Variants in PAK5 observed in about 807,000 individuals in gnomAD.
The protein encoded by PAK5 is serine/threonine-protein kinase PAK 5.
Under a neutral mutation model 65.9 loss-of-function variants are expected in PAK5, and 16 were observed. The ratio of observed to expected loss-of-function variants is 0.24; its 90% CI spans 0.16 to 0.37. The LOEUF is 0.37. PAK5 is among the 10% of genes least tolerant of loss of function. The pLI, the probability that PAK5 is intolerant of heterozygous loss-of-function variation, is 1.00. For synonymous variants in PAK5, 371 were observed against 354.9 expected (o/e 1.05, Z -0.51); for missense variants, 785 against 903.9 (o/e 0.87, Z 1.69).
chr20:9,689,984 A>T (rs971774020), intron 2 of PAK5, among the ~76,000 whole-genome samples: 2 of 152,214 alleles, frequency 1.3e-5, no homozygotes, highest in Non-Finnish European at 2.9e-5. Context: ...TTCTTTGAGG[A>T]TAACAAGATG....
rs918247110 is a variant in PAK5, at chr20:9,838,038, A to G, written c.-162+724T>C. Reference sequence around the variant, plus strand: ...CAAACTGAGCAGTGATGATCCCTGGACTTCTCAAGTTTACCCTCTAGGAGG... The same window carrying G: ...CAAACTGAGCAGTGATGATCCCTGGGCTTCTCAAGTTTACCCTCTAGGAGG... On this transcript the variant is annotated intron_variant, in intron 1 of 9. Transcript: ENST00000353224. This position sits in a 1 kb window ranked among gnomAD's most constrained non-coding sequence, Gnocchi z 4.5. Among the ~76,000 whole-genome samples the G allele has an allele frequency of 6.6e-6, 1 of 152,040 alleles. No homozygotes were observed. Among genetic ancestry groups the G allele is most frequent in the Non-Finnish European group, 1.5e-5 (1 of 68,008 alleles).
intron 3 of PAK5, among the ~76,000 whole-genome samples, chr20:9,637,044 A>G (rs776887543): frequency 6.6e-6 from 1 of 152,204 alleles, no homozygotes; most frequent in Non-Finnish European, 1.5e-5. Flanking sequence ...TCTGTTACCC[A>G]GGCTGGAGTG....
At chr20:9,605,862 G>A (rs2046444624) in intron 3 of PAK5, among the ~76,000 whole-genome samples, 2 of 152,104 alleles carry the variant, frequency 1.3e-5, no homozygotes, top group African/African-American at 4.8e-5. Context: ...CCTTGGAGGT[G>A]GAGGTTGCAG....
intron 1 of PAK5, among the ~76,000 whole-genome samples, chr20:9,771,627 T>C: frequency 7.0e-6 from 1 of 142,768 alleles, no homozygotes; most frequent in South Asian, 2.2e-4. Flanking sequence ...CACTCTTTTG[T>C]CCAGGCTGGT....
At chr20:9,767,409 G>A (rs2876181) in intron 1 of PAK5, among the ~76,000 whole-genome samples, 82,168 of 151,804 alleles carry the variant, frequency 0.54, 23,245 homozygotes, top group East Asian at 0.78. Flanking sequence ...TAAAAGCAGA[G>A]TTCCTCACCC....
intron 1 of PAK5, among the ~76,000 whole-genome samples, chr20:9,716,934 A>G (rs930871715): frequency 6.6e-6 from 1 of 151,812 alleles, no homozygotes; most frequent in Non-Finnish European, 1.5e-5. Context: ...AAAATACAAA[A>G]ATGAGCTGGG....
intron 2 of PAK5, among the ~76,000 whole-genome samples, chr20:9,706,219 A>C (rs964553730): frequency 2.0e-5 from 3 of 152,212 alleles, no homozygotes; most frequent in Non-Finnish European, 4.4e-5. Flanking sequence ...TGTGACCATA[A>C]GTCAAACTCT....
intron 4 of PAK5, among the ~76,000 whole-genome samples, chr20:9,576,321 A>G (rs2045883963): frequency 6.6e-6 from 1 of 152,182 alleles, no homozygotes; most frequent in African/African-American, 2.4e-5. Context: ...CGTGCTTGAT[A>G]AATGATAGCT....
chr20:9,747,670 T>A (rs1304549715), intron 1 of PAK5, among the ~76,000 whole-genome samples: 1 of 152,032 alleles, frequency 6.6e-6, no homozygotes, highest in Non-Finnish European at 1.5e-5. Flanking sequence ...AAATTAGGTA[T>A]TGATGGGACG....
At chr20:9,799,814 G>A (rs932043693) in intron 1 of PAK5, among the ~76,000 whole-genome samples, 40 of 151,308 alleles carry the variant, frequency 2.6e-4, no homozygotes, top group Non-Finnish European at 2.7e-4. Flanking sequence ...GATGGTGTGC[G>A]CCTATAGTCA....
chr20:9,652,258 T>C (rs1425334091), intron 2 of PAK5, among the ~76,000 whole-genome samples: 1 of 152,198 alleles, frequency 6.6e-6, no homozygotes, highest in African/African-American at 2.4e-5. Flanking sequence ...TTCTGAGATG[T>C]CATTGCTCAG....
intron 1 of PAK5, among the ~76,000 whole-genome samples, chr20:9,726,050 A>G (rs1182498844): frequency 9.2e-5 from 14 of 152,170 alleles, no homozygotes; most frequent in Admixed American, 9.2e-4. Flanking sequence ...AGAGATAATC[A>G]AAACATTTAC....
At chr20:9,587,277 C>G (rs1368073405) in intron 3 of PAK5, among the ~76,000 whole-genome samples, 1 of 152,100 alleles carries the variant, frequency 6.6e-6, no homozygotes, top group Non-Finnish European at 1.5e-5. Context: ...ATGTGGGAGA[C>G]TTTAAAGTAC....
At chr20:9,802,097 C>T (rs956283318) in intron 1 of PAK5, among the ~76,000 whole-genome samples, 2 of 152,224 alleles carry the variant, frequency 1.3e-5, no homozygotes, top group East Asian at 1.9e-4. Flanking sequence ...TTTTTTTAAC[C>T]GGCTTTTGTT....
chr20:9,820,665 G>T (rs1292647962), intron 1 of PAK5, among the ~76,000 whole-genome samples: 2 of 152,170 alleles, frequency 1.3e-5, no homozygotes, highest in African/African-American at 4.8e-5. Flanking sequence ...GGACAAAGAA[G>T]GAGAACAAAA....
At chr20:9,784,100 C>A (rs1303376271) in intron 1 of PAK5, among the ~76,000 whole-genome samples, 1 of 151,948 alleles carries the variant, frequency 6.6e-6, no homozygotes. Flanking sequence ...ATGATATAAC[C>A]AAATAATGGG....
chr20:9,657,338 T>C (rs1352632711), intron 2 of PAK5, among the ~76,000 whole-genome samples: 1 of 152,188 alleles, frequency 6.6e-6, no homozygotes, highest in East Asian at 1.9e-4. Flanking sequence ...CATTCTTTTT[T>C]ATTGGTGAGT....
intron 2 of PAK5, among the ~76,000 whole-genome samples, chr20:9,688,438 A>G (rs2047749426): frequency 6.6e-6 from 1 of 151,902 alleles, no homozygotes. Flanking sequence ...CTGTATGTCC[A>G]CTCAGTTGAT....
At chr20:9,564,398 T>C (rs1346443859) in intron 5 of PAK5, among the ~76,000 whole-genome samples, 1 of 152,162 alleles carries the variant, frequency 6.6e-6, no homozygotes, top group African/African-American at 2.4e-5. Context: ...AGCACCCTAA[T>C]TGAAAACTGT....
Sources: gnomAD v4.1 joint callset for allele counts (sites outside exome capture counted in the v4.1 genomes callset) on GRCh38, gnomAD v4.1.1 for gene constraint, Gnocchi (gnomAD v3.1) non-coding constraint, MANE v1.5 for transcripts, NCBI Gene and HGNC (gene_info 2026-07-23, HGNC 2026-07-21) for gene names.